Variants in NEK4 observed in about 807,000 individuals in gnomAD.
NEK4 encodes serine/threonine-protein kinase Nek4.
NEK4 carries 86 observed loss-of-function variants against 98.4 expected under a neutral mutation model. The observed-to-expected ratio is 0.87, with a 90% CI of 0.73 to 1.05. NEK4 has a LOEUF of 1.05. Ranked by LOEUF, NEK4 falls within the 50% of genes least tolerant of loss-of-function variation. The probability of loss-of-function intolerance (pLI) is 0.00; values close to 1 mark genes in which losing one functional copy is unlikely to be tolerated. For synonymous variants in NEK4, 328 were observed against 342.2 expected (o/e 0.96, Z 0.46); for missense variants, 898 against 950.3 (o/e 0.94, Z 0.72).
Position 52,753,609 on chromosome 3 carries a change from G to A in NEK4, c.964-1273C>T, listed in dbSNP as rs1443559596. 1.4e-5 allele frequency: 8 copies of A among 577,084 alleles called. 1 individual carries two copies. Among genetic ancestry groups the A allele is most frequent in the South Asian group, 5.5e-5 (4 of 72,602 alleles). The allele number at this position is 577,084 out of a possible 1,614,324, so 35.7% of individuals were successfully genotyped here. A position where few individuals can be genotyped will look rare whatever the true frequency, so the allele number is the denominator to read the frequency against. ...ACATTGGCAGGGGATGCAAAAACCAGTCTTTGATGAACTATGCCAAAGAAA... is the reference window on the plus strand; with the variant it reads ...ACATTGGCAGGGGATGCAAAAACCAATCTTTGATGAACTATGCCAAAGAAA... On this transcript the variant is annotated intron_variant, in intron 6 of 15. Transcript: ENST00000233027.
chr3:52,759,453 A>G lies in NEK4; in HGVS notation c.963+1342T>C, dbSNP rs144098646. Among the ~76,000 whole-genome samples the G allele has an allele frequency of 3.3e-5, 5 of 152,324 alleles. No homozygotes were observed. The East Asian group carries it at 9.6e-4, about 29-fold the overall frequency. On this transcript the variant is annotated intron_variant, in intron 6 of 15. Coordinates refer to ENST00000233027, the MANE Select transcript of NEK4 (RefSeq NM_003157.6). ...GATATTTCTCCAAAGAAGACATACAAATGGCCAACAAGCATGTGAAAAGAT... is the reference window on the plus strand; with the variant it reads ...GATATTTCTCCAAAGAAGACATACAGATGGCCAACAAGCATGTGAAAAGAT...
intron 15 of NEK4, among the ~76,000 whole-genome samples, chr3:52,716,201 T>C (rs977139942): frequency 6.6e-6 from 1 of 152,110 alleles, no homozygotes; most frequent in East Asian, 1.9e-4. Context: ...GGTAATATAG[T>C]GCAATGCCAG....
intron 15 of NEK4, among the ~76,000 whole-genome samples, chr3:52,729,601 G>C (rs941681270): frequency 1.3e-5 from 2 of 151,850 alleles, no homozygotes; most frequent in South Asian, 4.2e-4. Context: ...CCAGCTACTT[G>C]GGAGGCTGAG....
intron 2 of NEK4, 69 bp downstream of exon 2, chr3:52,768,269 T>G (rs1195051120): frequency 2.7e-6 from 4 of 1,455,734 alleles, no homozygotes; most frequent in Non-Finnish European, 3.7e-6. Context: ...AGAAAAATTT[T>G]CCTAAAATAC....
intron 8 of NEK4, among the ~76,000 whole-genome samples, chr3:52,748,882 T>C (rs574998692): frequency 6.6e-6 from 1 of 152,234 alleles, no homozygotes; most frequent in East Asian, 1.9e-4. Flanking sequence ...AGCCAGGAGT[T>C]TGAGACCAGC....
chr3:52,742,199 G>C (rs1303639906), intron 12 of NEK4, among the ~76,000 whole-genome samples: 1 of 151,926 alleles, frequency 6.6e-6, no homozygotes, highest in African/African-American at 2.4e-5. Flanking sequence ...AGGAATGTTG[G>C]CATTTTAAAT....
rs2154104544 is a variant in NEK4, at chr3:52,746,792, C to T, written c.1619G>A (p.Arg540Lys). 1 of 1,614,144 alleles carries T rather than the reference C, an allele frequency of 6.2e-7. No homozygotes were observed. ...PSLSRQRRQKRREQTEHRGEK... is the reference protein window; with the variant it reads ...PSLSRQRRQKKREQTEHRGEK... ...CCCTCTGTGCTCAGTCTGTTCTCTC[C>T]TCTTTTGCCGTCGCTGTCGAGACAG... is the stretch of plus-strand genomic sequence containing the variant. The change falls in exon 9 of 16, where the codon AGG (arginine) becomes AAG (lysine). Residue 540 changes from arginine to lysine, a missense_variant. Transcript: ENST00000233027.
intron 2 of NEK4, among the ~76,000 whole-genome samples, chr3:52,767,647 G>A (rs2154107206): frequency 6.6e-6 from 1 of 152,154 alleles, no homozygotes; most frequent in South Asian, 2.1e-4. Context: ...GAACCTGGGA[G>A]GTGGAGGTTG....
chr3:52,769,719 C>G (rs1349829787), intron 1 of NEK4, among the ~76,000 whole-genome samples: 2 of 152,216 alleles, frequency 1.3e-5, no homozygotes, highest in Non-Finnish European at 2.9e-5. Context: ...TGGAGCAGTC[C>G]TACTGTCCTG....
intron 15 of NEK4, among the ~76,000 whole-genome samples, chr3:52,716,540 A>G (rs1000240287): frequency 6.6e-6 from 1 of 152,138 alleles, no homozygotes; most frequent in African/African-American, 2.4e-5. Flanking sequence ...CCACCCTAAA[A>G]TGACCAATCC....
chr3:52,725,833 A>G (rs2097364030), intron 15 of NEK4, among the ~76,000 whole-genome samples: 1 of 152,178 alleles, frequency 6.6e-6, no homozygotes, highest in South Asian at 2.1e-4. Flanking sequence ...TAATGCATAC[A>G]GAACATAAAT....
rs571094373 is a variant in NEK4 at position 52,744,248 on chromosome 3, A to G, written c.1885T>C (p.Ser629Pro). Reference protein sequence around the residue: ...RRLKQSQEEMSSSGPSVRKAS... With the variant: ...RRLKQSQEEMPSSGPSVRKAS... ...AAGAAGTCAACTTTACCTGAAGAGG[A>G]CATTTCTTCCTGTGACTGCTTTAGT... Residue 629 changes from serine (S) to proline (P), a missense_variant, in exon 11 of 16, where the codon TCC (serine) becomes CCC (proline). By Grantham distance (74) the Ser-to-Pro change is moderately conservative. Coordinates refer to ENST00000233027, the MANE Select transcript of NEK4 (RefSeq NM_003157.6). 5 of 1,612,914 alleles carry G rather than the reference A, an allele frequency of 3.1e-6. No individual in the cohort carries two copies. In the South Asian group the frequency reaches 3.3e-5, roughly 11 times the overall value.
intron 15 of NEK4, among the ~76,000 whole-genome samples, chr3:52,717,267 T>C (rs2097355908): frequency 6.6e-6 from 1 of 151,614 alleles, no homozygotes; most frequent in Non-Finnish European, 1.5e-5. Flanking sequence ...ATTGGCTGGG[T>C]GTGGTGGTGA....
chr3:52,741,393 A>G lies in NEK4; in HGVS notation c.2093+18T>C, dbSNP rs956274359. 6.8e-7 allele frequency: 1 copy of G among 1,467,582 alleles called. No homozygotes were observed. The allele number at this position is 1,467,582 out of a possible 1,614,324, so 90.9% of individuals were successfully genotyped here. On this transcript the variant is annotated intron_variant, in intron 13 of 15. Transcript: ENST00000233027. ...ACAGAAATAGTTTATAAAGGGAGAC[A>G]GAAAAACAAGAACTTACCCTTCCCC... is the stretch of plus-strand genomic sequence containing the variant.
rs770260321 is a variant in NEK4, at chr3:52,743,493, G to C, written c.1895-32C>G. The C allele has an allele frequency of 3.2e-6, 5 of 1,552,158 alleles. No homozygotes were observed. The South Asian group carries it at 5.6e-5, about 17-fold the overall frequency. Reference sequence around the variant, plus strand: ...AGGCAAACATCCCCAGTAGTTGTTTGTGGTGGGCTGCCCCAGTTGAAAAGG... The same window carrying C: ...AGGCAAACATCCCCAGTAGTTGTTTCTGGTGGGCTGCCCCAGTTGAAAAGG... On this transcript the variant is annotated intron_variant, in intron 11 of 15. Transcript: ENST00000233027.
rs1698438215 is a variant in NEK4 at position 52,763,596 on chromosome 3, G to A, written c.695C>T (p.Pro232Leu). 2 of 1,608,562 alleles carry A rather than the reference G, an allele frequency of 1.2e-6. No individual in the cohort carries two copies. The highest frequency in any genetic ancestry group is 1.7e-6 in the Non-Finnish European group (2 of 1,177,384). Residue 232 changes from proline (P) to leucine (L), a missense_variant, in exon 5 of 16, where the codon CCA becomes CTA. Physicochemically the swap from Pro to Leu is moderately conservative, Grantham distance 98. Coordinates refer to ENST00000233027, the MANE Select transcript of NEK4 (RefSeq NM_003157.6). ...KLPPMPRDYS[P>L]ELAELIRTML... Reference sequence around the variant, plus strand: ...TGTTCTTATCAGTTCTGCCAGCTCTGGGCTGTAATCTCTTGGCATTGGTGG... The same window carrying A: ...TGTTCTTATCAGTTCTGCCAGCTCTAGGCTGTAATCTCTTGGCATTGGTGG...
rs1484667297 is a variant in NEK4 at position 52,752,102 on chromosome 3, T to C, written c.1198A>G (p.Ile400Val). ...YLDASNELGG[I>V]CSISQVEEEM... ...TCTTCCACTTGAGAAATACTGCATA[T>C]ACCTCCTAACTCATTAGAGGCATCC... is the stretch of plus-strand genomic sequence containing the variant. Residue 400 changes from isoleucine to valine, a missense_variant, in exon 7 of 16, where the codon ATA becomes GTA. Physicochemically the swap from Ile to Val is conservative, Grantham distance 29. Transcript: ENST00000233027. 3 of 1,614,114 alleles carry C rather than the reference T, an allele frequency of 1.9e-6. No homozygotes were observed. Among genetic ancestry groups the C allele is most frequent in the African/African-American group, 2.7e-5 (2 of 74,938 alleles).
intron 15 of NEK4, among the ~76,000 whole-genome samples, chr3:52,716,537 A>G (rs146769961): frequency 5.7e-4 from 87 of 152,310 alleles, no homozygotes; most frequent in African/African-American, 2.0e-3. Context: ...TCCCCACCCT[A>G]AAATGACCAA....
intron 2 of NEK4, among the ~76,000 whole-genome samples, chr3:52,767,672 C>T (rs1046290577): frequency 2.0e-5 from 3 of 150,908 alleles, no homozygotes; most frequent in African/African-American, 4.9e-5. Flanking sequence ...GAGCCGAGAT[C>T]GTGCCATTGC....
Sources: allele counts gnomAD v4.1 joint callset (sites outside exome capture counted in the v4.1 genomes callset), GRCh38; gene constraint gnomAD v4.1.1; transcripts MANE v1.5; gene names NCBI Gene and HGNC (gene_info 2026-07-23, HGNC 2026-07-21).